FAM135B: variants seen among roughly 807,000 people sequenced by gnomAD.
FAM135B encodes family with sequence similarity 135 member B, also known as protein FAM135B.
In FAM135B, 43 loss-of-function variants were observed where a neutral mutation model predicts 127.7. That is an observed-to-expected ratio of 0.34 (90% CI 0.26 to 0.43). The LOEUF (loss-of-function observed/expected upper bound fraction) is 0.43. FAM135B is among the 20% of genes least tolerant of loss of function. The pLI is 1.00. For missense variants in FAM135B, 1,558 were observed against 1,725.6 expected, an observed-to-expected ratio of 0.90 and a Z score of 1.72; for synonymous variants, 670 against 665.1, an observed-to-expected ratio of 1.01 and a Z score of -0.11.
In FAM135B at chr8:138,397,432, A is replaced by G. The variant is rs1241749880; in HGVS notation, c.-19-29430T>C. On this transcript the variant is annotated intron_variant, in intron 1 of 19. Transcript: ENST00000395297. Reference sequence around the variant, plus strand: ...TTAAAAGTACACAGAGGTGATGGTTATACAACATCGTGAATGCGTTAAATG... The same window carrying G: ...TTAAAAGTACACAGAGGTGATGGTTGTACAACATCGTGAATGCGTTAAATG... Among the ~76,000 whole-genome samples, 7 of 152,356 alleles carry G rather than the reference A, an allele frequency of 4.6e-5. No homozygotes were observed. The East Asian group carries it at 1.4e-3, about 29-fold the overall frequency.
At chr8:138,456,164 C>T (rs893380965) in intron 1 of FAM135B, among the ~76,000 whole-genome samples, 17 of 152,272 alleles carry the variant, frequency 1.1e-4, no homozygotes, top group Middle Eastern at 3.4e-3. Context: ...ATGGTTTGAA[C>T]GACACAATCA....
In FAM135B at chr8:138,448,111, G is replaced by GA. The variant is rs36063170; in HGVS notation, c.-20+48559dup. Among the ~76,000 whole-genome samples, 502 of 141,518 alleles carry GA rather than the reference G, an allele frequency of 3.5e-3. 3 individuals are homozygous for GA. Among genetic ancestry groups the GA allele is most frequent in the African/African-American group, 0.011 (406 of 37,348 alleles). The allele number at this position is 141,518 out of a possible 152,430, so 92.8% of individuals were successfully genotyped here. A position where few individuals can be genotyped will look rare whatever the true frequency, so the allele number is the denominator to read the frequency against. Reference sequence around the variant, plus strand: ...GAGCAGAGAAAGGAAACAGAGGTCAGAAAAAAAAAAAAAAGAAAAAGTACT... The same window carrying GA: ...GAGCAGAGAAAGGAAACAGAGGTCAGAAAAAAAAAAAAAAAGAAAAAGTACT... On this transcript the variant is annotated intron_variant, in intron 1 of 19. Transcript: ENST00000395297.
chr8:138,321,837 T>A (rs577076664), intron 2 of FAM135B, among the ~76,000 whole-genome samples: 1 of 152,276 alleles, frequency 6.6e-6, no homozygotes, highest in East Asian at 1.9e-4. Flanking sequence ...ATGGAATGAC[T>A]CCCCTCTTTC....
chr8:138,169,427 T>C (rs1248334180), intron 11 of FAM135B, among the ~76,000 whole-genome samples: 1 of 152,092 alleles, frequency 6.6e-6, no homozygotes, highest in African/African-American at 2.4e-5. Context: ...CTCTGAATAT[T>C]TAACTCTTTA....
At chr8:138,188,433 C>T (rs1297246512) in intron 9 of FAM135B, among the ~76,000 whole-genome samples, 1 of 152,176 alleles carries the variant, frequency 6.6e-6, no homozygotes, top group Non-Finnish European at 1.5e-5. Context: ...AATTGGATCA[C>T]TGGACATCCA....
intron 1 of FAM135B, among the ~76,000 whole-genome samples, chr8:138,470,123 A>G (rs959923549): frequency 2.0e-5 from 3 of 152,204 alleles, no homozygotes; most frequent in Non-Finnish European, 4.4e-5. Context: ...TAATATCTGA[A>G]CTGAAATATA....
chr8:138,386,646 A>G (rs978901133), intron 1 of FAM135B, among the ~76,000 whole-genome samples: 1 of 152,234 alleles, frequency 6.6e-6, no homozygotes, highest in Non-Finnish European at 1.5e-5. Flanking sequence ...TAAAATGACA[A>G]TGCACAACCT....
intron 3 of FAM135B, among the ~76,000 whole-genome samples, chr8:138,275,695 TA>T (rs552700213): frequency 6.8e-5 from 10 of 147,396 alleles, no homozygotes; most frequent in African/African-American, 7.4e-5. Context: ...AGTTTGTCTC[TA>T]AAAAAAAAAG....
At chr8:138,215,197 T>C (rs1818453258) in intron 7 of FAM135B, among the ~76,000 whole-genome samples, 1 of 152,204 alleles carries the variant, frequency 6.6e-6, no homozygotes, top group African/African-American at 2.4e-5. Flanking sequence ...ATCTACCTAA[T>C]CTTGGGCCAG....
chr8:138,380,214 T>C (rs36041996), intron 1 of FAM135B, among the ~76,000 whole-genome samples: 62,341 of 151,502 alleles, frequency 0.41, 13,390 homozygotes, highest in East Asian at 0.64. Flanking sequence ...CTTTCTTTTT[T>C]TGAGACAGAG....
At chr8:138,361,556 T>A (rs946836187) in intron 2 of FAM135B, among the ~76,000 whole-genome samples, 1 of 152,212 alleles carries the variant, frequency 6.6e-6, no homozygotes, top group Admixed American at 6.5e-5. Context: ...AGCCACACTT[T>A]ACATCTCTAA....
At chr8:138,156,630 A>T (rs1451306845) in intron 12 of FAM135B, among the ~76,000 whole-genome samples, 1 of 152,214 alleles carries the variant, frequency 6.6e-6, no homozygotes, top group Admixed American at 6.5e-5. Flanking sequence ...CACCAATCCC[A>T]CAGAAATACA....
chr8:138,435,117 T>C (rs1275284114), intron 1 of FAM135B, among the ~76,000 whole-genome samples: 2 of 151,780 alleles, frequency 1.3e-5, no homozygotes, highest in East Asian at 1.9e-4. Flanking sequence ...GCCAAGATGG[T>C]GAAACCTCAT....
intron 7 of FAM135B, among the ~76,000 whole-genome samples, chr8:138,221,410 G>T (rs1166768120): frequency 6.6e-6 from 1 of 152,172 alleles, no homozygotes; most frequent in African/African-American, 2.4e-5. Flanking sequence ...CTGCCCTCAT[G>T]ATCCAATCAC....
At chr8:138,135,826 A>G (rs1262960822) in intron 19 of FAM135B, among the ~76,000 whole-genome samples, 1 of 152,164 alleles carries the variant, frequency 6.6e-6, no homozygotes, top group East Asian at 1.9e-4. Flanking sequence ...CATATAGTCT[A>G]TAATTATTAA....
chr8:138,405,010 C>T (rs1346940446), intron 1 of FAM135B, among the ~76,000 whole-genome samples: 1 of 152,050 alleles, frequency 6.6e-6, no homozygotes. Flanking sequence ...TTCCCAAATC[C>T]AGTAGAGGAA....
rs1554676451 is a variant in FAM135B at position 138,367,887 on chromosome 8, A to ACAC, written c.77+19_77+20insGTG. ...CACACACACACACACACACACACAC[A>ACAC]AATTGTAAAGCATACTTACCCTCTC... On this transcript the variant is annotated intron_variant, in intron 2 of 19. Transcript: ENST00000395297. The ACAC allele has an allele frequency of 2.0e-5, 31 of 1,573,306 alleles. No individual in the cohort carries two copies. Among genetic ancestry groups the ACAC allele is most frequent in the Middle Eastern group, 1.7e-4 (1 of 6,016 alleles).
At chr8:138,244,505 C>G (rs1424632331) in intron 6 of FAM135B, among the ~76,000 whole-genome samples, 1 of 152,146 alleles carries the variant, frequency 6.6e-6, no homozygotes, top group Non-Finnish European at 1.5e-5. Flanking sequence ...ATGGGATAAG[C>G]CAGAGGCAGC....
intron 1 of FAM135B, chr8:138,437,594 C>G: frequency 6.6e-6 from 1 of 152,150 alleles, no homozygotes; most frequent in South Asian, 2.1e-4. Context: ...TATAAATTAC[C>G]CCGTCTCAGG....
Sources: gnomAD v4.1 joint callset for allele counts (sites outside exome capture counted in the v4.1 genomes callset) on GRCh38, gnomAD v4.1.1 for gene constraint, MANE v1.5 for transcripts, NCBI Gene and HGNC (gene_info 2026-07-23, HGNC 2026-07-21) for gene names.